The following RHOBTB2 variants were observed in gnomAD, a reference collection of about 807,000 sequenced individuals.
The protein encoded by RHOBTB2 is rho-related BTB domain-containing protein 2.
In RHOBTB2, 39 loss-of-function variants were observed where a neutral mutation model predicts 66.5. The ratio of observed to expected loss-of-function variants is 0.59; its 90% CI spans 0.45 to 0.77. RHOBTB2 has a LOEUF of 0.77. Ranked by LOEUF, RHOBTB2 falls within the 30% of genes least tolerant of loss-of-function variation. The pLI, the probability that RHOBTB2 is intolerant of heterozygous loss-of-function variation, is 0.00. For synonymous variants in RHOBTB2, 390 were observed against 395.0 expected (o/e 0.99, Z 0.15); for missense variants, 755 against 999.1 (o/e 0.76, Z 3.29).
chr8:23,012,105 T>G (rs535792713), intron 7 of RHOBTB2, among the ~76,000 whole-genome samples: 2 of 152,322 alleles, frequency 1.3e-5, no homozygotes, highest in East Asian at 3.9e-4. Context: ...TATCTTGTTT[T>G]GCTGTCCATA....
intron 1 of RHOBTB2, among the ~76,000 whole-genome samples, chr8:23,003,291 A>G (rs1810841198): frequency 6.6e-6 from 1 of 152,204 alleles, no homozygotes; most frequent in African/African-American, 2.4e-5. Flanking sequence ...ATGACATCTG[A>G]CTACAGAAGT....
intron 1 of RHOBTB2, among the ~76,000 whole-genome samples, chr8:22,987,809 G>T (rs559906863): frequency 6.6e-6 from 1 of 152,364 alleles, no homozygotes; most frequent in South Asian, 2.1e-4. Context: ...GCAGCAACCT[G>T]TGGCAGCCAG....
chr8:22,963,058 GC>G, the RHOBTB2 span, among the ~76,000 whole-genome samples: 2 of 152,194 alleles, frequency 1.3e-5, no homozygotes, highest in Non-Finnish European at 2.9e-5. Flanking sequence ...TGGGCCCATT[GC>G]CCACTAGAGA....
At chr8:23,014,650 A>G in intron 7 of RHOBTB2, 40 bp from the exon 8 acceptor site, 1 of 1,545,310 alleles carries the variant, frequency 6.5e-7, no homozygotes, top group South Asian at 1.1e-5. Flanking sequence ...AGCACAGGTC[A>G]TGTGCTTCTT....
At chr8:22,985,136 G>T (rs188165008), upstream of RHOBTB2, among the ~76,000 whole-genome samples, 63 of 152,254 alleles carry the variant, frequency 4.1e-4, no homozygotes, top group East Asian at 5.8e-3. Flanking sequence ...CCAAAGTCTG[G>T]TGGTGACAAA....
the RHOBTB2 span, among the ~76,000 whole-genome samples, chr8:22,963,283 G>T: frequency 6.6e-6 from 1 of 152,180 alleles, no homozygotes; most frequent in Non-Finnish European, 1.5e-5. Flanking sequence ...AAGCAGCTAA[G>T]ATTTATAAAA....
Position 23,014,706 on chromosome 8 carries a change from C to G in RHOBTB2, c.1788C>G (p.Thr596=), listed in dbSNP as rs769134074. Residue 596 remains threonine (T), a synonymous_variant, in exon 8 of 10, where the codon ACC becomes ACG. Transcript: ENST00000251822. ...LVALTEQYTV[T]GLMEATQMMV... is the part of the protein sequence containing the mutation. ...GTGTTACAGAGCAGTACACAGTGAC[C>G]GGGCTGATGGAAGCGACCCAGATGA... is the stretch of plus-strand genomic sequence containing the variant. The G allele has an allele frequency of 1.9e-6, 3 of 1,613,886 alleles. No homozygotes were observed. Among genetic ancestry groups the G allele is most frequent in the Non-Finnish European group, 2.5e-6 (3 of 1,179,914 alleles).
At chr8:22,957,533 C>T in the RHOBTB2 span, among the ~76,000 whole-genome samples, 36 of 152,274 alleles carry the variant, frequency 2.4e-4, no homozygotes, top group African/African-American at 8.4e-4. Context: ...AAAGAAGCCA[C>T]GCTGTTCCCA....
upstream of RHOBTB2, among the ~76,000 whole-genome samples, chr8:22,983,517 G>A (rs936779381): frequency 8.0e-5 from 12 of 150,772 alleles, no homozygotes; most frequent in Non-Finnish European, 1.6e-4. Flanking sequence ...CAAAAGAAAC[G>A]AAACTCTGAG....
At chr8:22,957,465 T>G in the RHOBTB2 span, among the ~76,000 whole-genome samples, 2 of 152,238 alleles carry the variant, frequency 1.3e-5, no homozygotes, top group African/African-American at 4.8e-5. Flanking sequence ...CAGCCCTTCT[T>G]GGCTACTCAG....
chr8:22,984,285 G>A (rs1289933674), upstream of RHOBTB2, among the ~76,000 whole-genome samples: 2 of 152,166 alleles, frequency 1.3e-5, no homozygotes, highest in Non-Finnish European at 2.9e-5. Flanking sequence ...AATGACAAGC[G>A]CAAAATACAG....
At chr8:22,956,576 ATGCTT>A in the RHOBTB2 span, among the ~76,000 whole-genome samples, 1 of 152,208 alleles carries the variant, frequency 6.6e-6, no homozygotes, top group African/African-American at 2.4e-5. Flanking sequence ...TGCCAGCATC[ATGCTT>A]CCTGTACAGC....
In RHOBTB2 at chr8:22,999,593, C is replaced by CT; in HGVS notation, c.-516dup. On this transcript the variant is annotated 5_prime_UTR_variant, in exon 1 of 10. Coordinates refer to ENST00000251822, the MANE Select transcript of RHOBTB2 (RefSeq NM_015178.3). ...TCTTGGGTGCGATTTTTTTCTCCTC[C>CT]TTTTTTTACCCTCCCGTTTTTTTCT... is the stretch of plus-strand genomic sequence containing the variant. 5.7e-6 allele frequency: 7 copies of CT among 1,227,492 alleles called. No homozygotes were observed. The highest frequency in any genetic ancestry group is 8.1e-5 in the East Asian group (1 of 12,420). 76.0% of individuals were successfully genotyped at this position (1,227,492 alleles called of 1,614,324 possible). A position where few individuals can be genotyped will look rare whatever the true frequency, so the allele number is the denominator to read the frequency against.
upstream of RHOBTB2, among the ~76,000 whole-genome samples, chr8:22,997,655 CTT>C (rs1563286854): frequency 6.6e-6 from 1 of 152,184 alleles, no homozygotes; most frequent in Non-Finnish European, 1.5e-5. Context: ...TGCTTCATGA[CTT>C]TGGGTGGACG....
Position 23,004,059 on chromosome 8 carries a change from A to C in RHOBTB2, c.-10-366A>C. ...TTCTGCTGCCACTGCTCTGCCGGGG[A>C]AGGAGGAGGAGAGCAGATGAGTGAG... On this transcript the variant is annotated intron_variant, in intron 1 of 9. Transcript: ENST00000251822. The surrounding 1 kb of genome is among the most constrained non-coding windows in gnomAD (Gnocchi z 6.4). 3.2e-6 allele frequency: 1 copy of C among 316,824 alleles called. No homozygotes were observed. The highest frequency in any genetic ancestry group is 6.2e-6 in the Non-Finnish European group (1 of 162,484). 19.6% of individuals were successfully genotyped at this position (316,824 alleles called of 1,614,324 possible). A position where few individuals can be genotyped will look rare whatever the true frequency, so the allele number is the denominator to read the frequency against.
In RHOBTB2 at chr8:23,006,057, C is replaced by G; in HGVS notation, c.394C>G (p.Arg132Gly). The change falls in exon 4 of 10, where the codon CGA (arginine) becomes GGA (glycine). Residue 132 changes from arginine to glycine, a missense_variant. Arg to Gly is a moderately radical substitution (Grantham distance 125). Coordinates refer to ENST00000251822, the MANE Select transcript of RHOBTB2 (RefSeq NM_015178.3). This position sits in a 1 kb window ranked among gnomAD's most constrained non-coding sequence, Gnocchi z 6.1. ...CCCAGAAATCAAGCACTTCTGCCCCCGAGCACCTGTCATCTTGGTGGGCTG... is the reference window on the plus strand; with the variant it reads ...CCCAGAAATCAAGCACTTCTGCCCCGGAGCACCTGTCATCTTGGTGGGCTG... Reference protein sequence around the residue: ...WYPEIKHFCPRAPVILVGCQL... With the variant: ...WYPEIKHFCPGAPVILVGCQL... The G allele has an allele frequency of 6.2e-7, 1 of 1,614,108 alleles. No homozygotes were observed. Among genetic ancestry groups the G allele is most frequent in the Non-Finnish European group, 8.5e-7 (1 of 1,180,020 alleles).
the RHOBTB2 span, among the ~76,000 whole-genome samples, chr8:22,967,434 C>T: frequency 6.6e-6 from 1 of 151,784 alleles, no homozygotes. Context: ...CATGGTGAAA[C>T]CCCGTCTCTA....
the RHOBTB2 span, among the ~76,000 whole-genome samples, chr8:22,952,837 G>A: frequency 6.6e-6 from 1 of 152,198 alleles, no homozygotes; most frequent in African/African-American, 2.4e-5. Context: ...CTCGGGAGGC[G>A]GAGATTGCAG....
the RHOBTB2 span, among the ~76,000 whole-genome samples, chr8:22,954,869 C>G: frequency 6.6e-6 from 1 of 152,164 alleles, no homozygotes; most frequent in South Asian, 2.1e-4. Context: ...CGGTGGCTCA[C>G]GCCTGTAATC....
Sources: allele counts gnomAD v4.1 joint callset (sites outside exome capture counted in the v4.1 genomes callset), GRCh38; gene constraint gnomAD v4.1.1; non-coding constraint Gnocchi (gnomAD v3.1); transcripts MANE v1.5; gene names NCBI Gene and HGNC (gene_info 2026-07-23, HGNC 2026-07-21).